Variants in WDR33 observed in about 807,000 individuals in gnomAD.
WDR33 encodes WD repeat domain 33, also known as pre-mRNA 3' end processing protein WDR33.
A neutral mutation model predicts 164.9 loss-of-function variants in WDR33; 47 were observed. That is an observed-to-expected ratio of 0.29 (90% confidence interval 0.23 to 0.36). The LOEUF (loss-of-function observed/expected upper bound fraction) is 0.36. WDR33 is among the 10% of genes least tolerant of loss of function. The probability of loss-of-function intolerance (pLI) is 1.00; values close to 1 mark genes in which losing one functional copy is unlikely to be tolerated. For synonymous variants in WDR33, 505 were observed against 589.0 expected (o/e 0.86, Z 2.06); for missense variants, 1,137 against 1,754.1 (o/e 0.65, Z 6.28).
chr2:127,775,648 A>G (rs950670200), intron 1 of WDR33, among the ~76,000 whole-genome samples: 1 of 152,244 alleles, frequency 6.6e-6, no homozygotes, highest in East Asian at 1.9e-4. Context: ...TCAAATGCAA[A>G]AAAAGTATTG....
chr2:127,782,402 C>A (rs1045366880), intron 1 of WDR33, among the ~76,000 whole-genome samples: 4 of 151,842 alleles, frequency 2.6e-5, no homozygotes, highest in African/African-American at 9.7e-5. Context: ...CTCAAATTTG[C>A]AGATCAATTT....
In WDR33 at chr2:127,738,971, TAAAAG is replaced by T. The variant is rs1686939300; in HGVS notation, c.725-12199_725-12195del. Among the ~76,000 whole-genome samples, 1 of 152,068 alleles carries T rather than the reference TAAAAG, an allele frequency of 6.6e-6. No individual in the cohort carries two copies. The highest frequency in any genetic ancestry group is 1.5e-5 in the Non-Finnish European group (1 of 67,992). On this transcript the variant is annotated intron_variant, in intron 7 of 21. Coordinates refer to ENST00000322313, the MANE Select transcript of WDR33 (RefSeq NM_018383.5). This position sits in a 1 kb window ranked among gnomAD's most constrained non-coding sequence, Gnocchi z 4.4. ...TCCCGTTATAAATGTAAACATGAAA[TAAAAG>T]ACACACAAGAACCTTAAAAATTTTT...
chr2:127,761,666 T>G (rs1326350369), intron 7 of WDR33, among the ~76,000 whole-genome samples: 1 of 152,190 alleles, frequency 6.6e-6, no homozygotes, highest in African/African-American at 2.4e-5. Flanking sequence ...ATGATAAGAT[T>G]CTAGTCCTGG....
rs13391861 is a variant in WDR33 at position 127,730,090 on chromosome 2, C to T, written c.725-3313G>A. The stretch of plus-strand genomic sequence containing the variant: ...ACAAGGGAAAGAAGGAGACTTTTCA[C>T]GACACATAGTTTTGTAATTTTTCAA... On this transcript the variant is annotated intron_variant, in intron 7 of 21. Coordinates refer to ENST00000322313, the MANE Select transcript of WDR33 (RefSeq NM_018383.5). 7.0e-3 allele frequency among the ~76,000 whole-genome samples: 1,066 copies of T among 152,134 alleles called. 10 individuals carry two copies. The highest frequency in any genetic ancestry group is 0.024 in the African/African-American group (1,014 of 41,500).
intron 7 of WDR33, among the ~76,000 whole-genome samples, chr2:127,760,793 A>T (rs535333377): frequency 1.4e-4 from 22 of 152,202 alleles, no homozygotes; most frequent in Non-Finnish European, 2.8e-4. Flanking sequence ...AAAAAGAATC[A>T]AAAGATATTA....
At chr2:127,734,012 G>A (rs1686776866) in intron 7 of WDR33, among the ~76,000 whole-genome samples, 1 of 152,110 alleles carries the variant, frequency 6.6e-6, no homozygotes, top group Non-Finnish European at 1.5e-5. Flanking sequence ...CAGATGAAGT[G>A]GATAGTCCCT....
intron 1 of WDR33, among the ~76,000 whole-genome samples, chr2:127,793,577 C>T (rs1240669906): frequency 2.6e-5 from 4 of 151,614 alleles, no homozygotes; most frequent in Admixed American, 2.0e-4. Context: ...CCCATCTCTA[C>T]AAAAATAAAA....
rs1686912764 is a variant in WDR33, at chr2:127,738,271, G to A, written c.725-11494C>T. On this transcript the variant is annotated intron_variant, in intron 7 of 21. Coordinates refer to ENST00000322313, the MANE Select transcript of WDR33 (RefSeq NM_018383.5). The surrounding 1 kb of genome is among the most constrained non-coding windows in gnomAD (Gnocchi z 4.4). ...TCTGAGAAAACTTCAACTGGGAGCT[G>A]GTTATATTATTAATTTCCACCATAT... 6.6e-6 allele frequency among the ~76,000 whole-genome samples: 1 copy of A among 151,980 alleles called. No individual in the cohort carries two copies. Among genetic ancestry groups the A allele is most frequent in the South Asian group, 2.1e-4 (1 of 4,808 alleles).
intron 3 of WDR33, 53 bp downstream of exon 3, chr2:127,768,880 A>C: frequency 3.5e-6 from 5 of 1,408,780 alleles, no homozygotes; most frequent in Non-Finnish European, 5.0e-6. Flanking sequence ...GAAGGCTAAA[A>C]TATTCAAGCA....
chr2:127,802,293 T>A lies in WDR33; in HGVS notation c.-24+8719A>T, dbSNP rs532005525. On this transcript the variant is annotated intron_variant, in intron 1 of 21. Transcript: ENST00000322313. The stretch of plus-strand genomic sequence containing the variant: ...TTCTAAGAATGTGAAAATAAGAATA[T>A]ACACAGTAAAAACTGGAATGAACTC... 7.2e-5 allele frequency among the ~76,000 whole-genome samples: 11 copies of A among 152,058 alleles called. No homozygotes were observed. In the South Asian group the frequency reaches 2.3e-3, roughly 32 times the overall value.
At position 127,704,709 on chromosome 2, in the gene WDR33, T is replaced by C. The variant is rs1490984156; in HGVS notation, c.*1614A>G. 1 of 167,122 alleles carries C rather than the reference T, an allele frequency of 6.0e-6. No homozygotes were observed. Among genetic ancestry groups the C allele is most frequent in the Non-Finnish European group, 1.5e-5 (1 of 68,132 alleles). 10.4% of individuals were successfully genotyped at this position (167,122 alleles called of 1,614,324 possible). ...CACAGAAATCAATTAGCTTTTGCTG[T>C]TTTTTACATTCATAGAGAACCAGTT... is the stretch of plus-strand genomic sequence containing the variant. On this transcript the variant is annotated 3_prime_UTR_variant, in exon 22 of 22. Coordinates refer to ENST00000322313, the MANE Select transcript of WDR33 (RefSeq NM_018383.5).
chr2:127,754,117 G>A (rs1239841126), intron 7 of WDR33, among the ~76,000 whole-genome samples: 1 of 152,168 alleles, frequency 6.6e-6, no homozygotes, highest in Non-Finnish European at 1.5e-5. Flanking sequence ...AAGATTAGGT[G>A]AATTTTGAGA....
rs545897235 is a variant in WDR33 at position 127,723,414 on chromosome 2, A to T, written c.1197-67T>A. The T allele has an allele frequency of 8.1e-7, 1 of 1,234,526 alleles. No individual in the cohort carries two copies. Among genetic ancestry groups the T allele is most frequent in the Non-Finnish European group, 1.2e-6 (1 of 853,724 alleles). 76.5% of individuals were successfully genotyped at this position (1,234,526 alleles called of 1,614,324 possible). On this transcript the variant is annotated intron_variant, in intron 11 of 21. Transcript: ENST00000322313. This position sits in a 1 kb window ranked among gnomAD's most constrained non-coding sequence, Gnocchi z 5.9. Reference sequence around the variant, plus strand: ...ATTTTTTTGGGCACTAAACAGTACTAGGCAGACCCTTGGTAAACACAACAC... The same window carrying T: ...ATTTTTTTGGGCACTAAACAGTACTTGGCAGACCCTTGGTAAACACAACAC...
chr2:127,788,344 G>C (rs1688687699), intron 1 of WDR33, among the ~76,000 whole-genome samples: 2 of 113,404 alleles, frequency 1.8e-5, no homozygotes, highest in Admixed American at 7.8e-5. Context: ...CGGGCAGAGG[G>C]GCTCCTCACT....
chr2:127,784,838 A>T (rs1051367731), intron 1 of WDR33, among the ~76,000 whole-genome samples: 1 of 152,214 alleles, frequency 6.6e-6, no homozygotes. Flanking sequence ...TATATCATCC[A>T]ATTTTTATCA....
intron 7 of WDR33, among the ~76,000 whole-genome samples, chr2:127,732,066 T>C (rs1368331792): frequency 2.0e-5 from 3 of 150,102 alleles, no homozygotes; most frequent in African/African-American, 7.4e-5. Flanking sequence ...CCAGGCTGGG[T>C]GATGGAGAGC....
At position 127,717,570 on chromosome 2, in the gene WDR33, A is replaced by AAAC. The variant is rs1270299116; in HGVS notation, c.2761-310_2761-308dup. Reference sequence around the variant, plus strand: ...CAGCAGCACTAAATTAAACCAATTAAAACAACTGGTTTAAGTAACTGGTCT... The same window carrying AAAC: ...CAGCAGCACTAAATTAAACCAATTAAAACAACAACTGGTTTAAGTAACTGGTCT... On this transcript the variant is annotated intron_variant, in intron 16 of 21. Coordinates refer to ENST00000322313, the MANE Select transcript of WDR33 (RefSeq NM_018383.5). This position sits in a 1 kb window ranked among gnomAD's most constrained non-coding sequence, Gnocchi z 5.6. Among the ~76,000 whole-genome samples, 39 of 152,358 alleles carry AAAC rather than the reference A, an allele frequency of 2.6e-4. No homozygotes were observed. Among genetic ancestry groups the AAAC allele is most frequent in the Admixed American group, 1.6e-3 (25 of 15,304 alleles).
Position 127,701,502 on chromosome 2 carries a change from T to C in WDR33, c.*4821A>G, listed in dbSNP as rs771094237. ...GAGGGCCGGAAGTGAGCCGCAGCTT[T>C]TCCTTTCTGCCACCGCCTTGTCCAA... On this transcript the variant is annotated 3_prime_UTR_variant, in exon 22 of 22. Coordinates refer to ENST00000322313, the MANE Select transcript of WDR33 (RefSeq NM_018383.5). 1.4e-4 allele frequency: 185 copies of C among 1,281,136 alleles called. No individual in the cohort carries two copies. The highest frequency in any genetic ancestry group is 1.8e-4 in the Non-Finnish European group (178 of 1,010,722). 79.4% of individuals were successfully genotyped at this position (1,281,136 alleles called of 1,614,324 possible). A position where few individuals can be genotyped will look rare whatever the true frequency, so the allele number is the denominator to read the frequency against.
intron 1 of WDR33, among the ~76,000 whole-genome samples, chr2:127,773,827 G>A (rs561484614): frequency 7.2e-5 from 11 of 152,098 alleles, no homozygotes; most frequent in South Asian, 4.1e-4. Context: ...GCAGTGGTGC[G>A]ATCTCGGCTC....
Sources: allele counts gnomAD v4.1 joint callset (sites outside exome capture counted in the v4.1 genomes callset), GRCh38; gene constraint gnomAD v4.1.1; non-coding constraint Gnocchi (gnomAD v3.1); transcripts MANE v1.5; gene names NCBI Gene and HGNC (gene_info 2026-07-23, HGNC 2026-07-21).